Variants in SPOCK2 observed in about 807,000 individuals in gnomAD.
SPOCK2 encodes testican-2.
In SPOCK2, 39 loss-of-function variants were observed where a neutral mutation model predicts 60.1. That is an observed-to-expected ratio of 0.65 (90% CI 0.50 to 0.85). SPOCK2 has a LOEUF of 0.85. Ranked by LOEUF, SPOCK2 falls within the 40% of genes least tolerant of loss-of-function variation. The pLI is 0.00. For missense variants in SPOCK2, 523 were observed against 567.4 expected (o/e 0.92, Z 0.80); for synonymous variants, 217 against 231.5 (o/e 0.94, Z 0.57).
Position 72,074,873 on chromosome 10 carries a change from C to CGGCCCACACCT in SPOCK2, c.190-1974_190-1964dup, listed in dbSNP as rs575256237. Among the ~76,000 whole-genome samples, 749 of 152,264 alleles carry CGGCCCACACCT rather than the reference C, an allele frequency of 4.9e-3. 5 individuals carry two copies. Among genetic ancestry groups the CGGCCCACACCT allele is most frequent in the African/African-American group, 0.017 (709 of 41,522 alleles). On this transcript the variant is annotated intron_variant, in intron 1 of 10. Coordinates refer to ENST00000373109, the MANE Select transcript of SPOCK2 (RefSeq NM_001244950.2). ...TGAGCCTCTTCCTCATCCCTCTGCTCGGCCCACACCTGGCCCACACGTACC... is the reference window on the plus strand; with the variant it reads ...TGAGCCTCTTCCTCATCCCTCTGCTCGGCCCACACCTGGCCCACACCTGGCCCACACGTACC...
intron 1 of SPOCK2, among the ~76,000 whole-genome samples, chr10:72,078,384 G>A (rs577485223): frequency 1.3e-5 from 2 of 151,912 alleles, no homozygotes; most frequent in South Asian, 2.1e-4. Flanking sequence ...GATGGCGGGC[G>A]CCTGTAGTCC....
chr10:72,068,408 A>T (rs555863540), intron 5 of SPOCK2, 107 bp from the exon 6 acceptor site: 1 of 1,217,148 alleles, frequency 8.2e-7, no homozygotes, highest in African/African-American at 1.5e-5. Flanking sequence ...GCCTCCCCCC[A>T]TGGAGTGCCC....
upstream of SPOCK2, chr10:72,088,842 G>C (rs572222659): frequency 6.5e-6 from 1 of 152,738 alleles, no homozygotes; most frequent in Non-Finnish European, 1.5e-5. Context: ...ATGGGGGAGA[G>C]GGCACAAAAC....
chr10:72,086,163 A>G, intron 1 of SPOCK2: 1 of 983,490 alleles, frequency 1.0e-6, no homozygotes, highest in African/African-American at 1.7e-5. Context: ...GCCTGAGGCT[A>G]CCAAAATCAA....
rs978259946 is a variant in SPOCK2 at position 72,075,611 on chromosome 10, G to A, written c.190-2701C>T. 3.9e-5 allele frequency among the ~76,000 whole-genome samples: 6 copies of A among 152,308 alleles called. No homozygotes were observed. The South Asian group carries it at 6.2e-4, about 16-fold the overall frequency. ...AAATTTGGGGGAAAGTGGGGATGGCGTGGGAGTTCTAAGAAAGGGGCTTTC... is the reference window on the plus strand; with the variant it reads ...AAATTTGGGGGAAAGTGGGGATGGCATGGGAGTTCTAAGAAAGGGGCTTTC... On this transcript the variant is annotated intron_variant, in intron 1 of 10. Transcript: ENST00000373109.
In SPOCK2 at chr10:72,072,484, G is replaced by A. The variant is rs112679291; in HGVS notation, c.244+19C>T. ...TCACACGTGTCAGTCACCTTCCCCCGCCGGGAGAGTCATGTTACCTTCATC... is the reference window on the plus strand; with the variant it reads ...TCACACGTGTCAGTCACCTTCCCCCACCGGGAGAGTCATGTTACCTTCATC... On this transcript the variant is annotated intron_variant, in intron 3 of 10. Transcript: ENST00000373109. 2,333 of 1,613,816 alleles carry A rather than the reference G, an allele frequency of 1.4e-3. 30 individuals carry two copies. In the African/African-American group the frequency reaches 0.027, roughly 19 times the overall value.
Position 72,064,259 on chromosome 10 carries a change from C to A in SPOCK2, c.929-19G>T, listed in dbSNP as rs1254396053. 1 of 1,578,324 alleles carries A rather than the reference C, an allele frequency of 6.3e-7. No individual in the cohort carries two copies. The highest frequency in any genetic ancestry group is 8.6e-7 in the Non-Finnish European group (1 of 1,166,932). On this transcript the variant is annotated intron_variant, in intron 8 of 10. Coordinates refer to ENST00000373109, the MANE Select transcript of SPOCK2 (RefSeq NM_001244950.2). Reference sequence around the variant, plus strand: ...GGGGGCTCTGTGGGGAGAGAAGCAGCCTCTGATGGGACTGTCCCCTGGTGC... The same window carrying A: ...GGGGGCTCTGTGGGGAGAGAAGCAGACTCTGATGGGACTGTCCCCTGGTGC...
chr10:72,061,200 A>T lies in SPOCK2; in HGVS notation c.*1560T>A, dbSNP rs577339146. The stretch of plus-strand genomic sequence containing the variant: ...AAAACAGCAACAAACAAACAAAAGA[A>T]ATGCACAGGGCCTCTTCTCATCTGG... On this transcript the variant is annotated 3_prime_UTR_variant, in exon 11 of 11. Transcript: ENST00000373109. The T allele has an allele frequency of 9.2e-5, 14 of 152,518 alleles. No individual in the cohort carries two copies. The highest frequency in any genetic ancestry group is 3.4e-4 in the African/African-American group (14 of 41,562). The allele number at this position is 152,518 out of a possible 1,614,324, so 9.4% of individuals were successfully genotyped here.
At position 72,067,113 on chromosome 10, in the gene SPOCK2, G is replaced by T. The variant is rs754106946; in HGVS notation, c.717C>A (p.Asp239Glu). 1 of 1,613,414 alleles carries T rather than the reference G, an allele frequency of 6.2e-7. No homozygotes were observed. Among genetic ancestry groups the T allele is most frequent in the African/African-American group, 1.3e-5 (1 of 74,906 alleles). The change falls in exon 8 of 11, where the codon GAC (aspartate) becomes GAA (glutamate). Residue 239 changes from aspartate to glutamate, a missense_variant. By Grantham distance (45) the Asp-to-Glu change is conservative. Coordinates refer to ENST00000373109, the MANE Select transcript of SPOCK2 (RefSeq NM_001244950.2). ...CCTTGCAGCTGGCCCCCAGGCTCTT[G>T]TCCAGCCCTGGGAAAAGATCAGGTT... Reference protein sequence around the residue: ...SSVAGPASGLDKSLGASCKDS... With the variant: ...SSVAGPASGLEKSLGASCKDS...
chr10:72,073,576 C>T (rs1840677243), intron 1 of SPOCK2, among the ~76,000 whole-genome samples: 1 of 152,212 alleles, frequency 6.6e-6, no homozygotes, highest in African/African-American at 2.4e-5. Flanking sequence ...GGTCCAGCCC[C>T]CCCTTTGTGC....
chr10:72,068,612 GCCCCTGTCGCCCTT>G (rs1453542328), intron 5 of SPOCK2: 1 of 295,440 alleles, frequency 3.4e-6, no homozygotes, highest in Non-Finnish European at 5.8e-6. Flanking sequence ...CCCCTCCCCT[GCCCCTGTCGCCCTT>G]CCCCTGTGTT....
At chr10:72,064,137 G>A (rs374446874) in intron 9 of SPOCK2, 41 bp downstream of exon 9, 173 of 1,604,556 alleles carry the variant, frequency 1.1e-4, no homozygotes, top group South Asian at 1.1e-4. Context: ...CCAGGAAGCC[G>A]TCCCCACCTC....
In SPOCK2 at chr10:72,062,980, C is replaced by A. The variant is rs1406415674; in HGVS notation, c.1129+45G>T. ...CCCCCAGCATCCCACGACAAGGGCCCCCAGGCCTGGGCCCCCAGCAGGCCC... is the reference window on the plus strand; with the variant it reads ...CCCCCAGCATCCCACGACAAGGGCCACCAGGCCTGGGCCCCCAGCAGGCCC... On this transcript the variant is annotated intron_variant, in intron 10 of 10. Transcript: ENST00000373109. The surrounding 1 kb of genome is among the most constrained non-coding windows in gnomAD (Gnocchi z 4.3). The A allele has an allele frequency of 8.9e-6, 14 of 1,575,448 alleles. No individual in the cohort carries two copies. The highest frequency in any genetic ancestry group is 1.2e-5 in the Non-Finnish European group (14 of 1,162,388).
At chr10:72,069,354 C>T (rs540987417) in intron 5 of SPOCK2, 1 of 152,516 alleles carries the variant, frequency 6.6e-6, no homozygotes, top group South Asian at 2.1e-4. Context: ...AAGAAGGCCC[C>T]TCAGCCCTGG....
chr10:72,088,716 C>T (rs1271287118), upstream of SPOCK2: 1 of 174,908 alleles, frequency 5.7e-6, no homozygotes, highest in Non-Finnish European at 1.2e-5. Context: ...GGGGCCCAGC[C>T]CCGCCTGGCA....
chr10:72,063,540 G>A (rs1530800), intron 9 of SPOCK2, among the ~76,000 whole-genome samples: 48,232 of 152,148 alleles, frequency 0.32, 9,420 homozygotes, highest in Middle Eastern at 0.46. Flanking sequence ...CTGCTAGGAA[G>A]GCCCAGCCTT....
rs141057541 is a variant in SPOCK2, at chr10:72,082,292, G to A, written c.189+5848C>T. Among the ~76,000 whole-genome samples the A allele has an allele frequency of 6.6e-5, 10 of 152,346 alleles. 1 individual carries two copies. The East Asian group carries it at 1.7e-3, about 26-fold the overall frequency. On this transcript the variant is annotated intron_variant, in intron 1 of 10. Coordinates refer to ENST00000373109, the MANE Select transcript of SPOCK2 (RefSeq NM_001244950.2). ...CAGCCGGGCCAGGTCTGCACACTGA[G>A]GCTGGGCACAGTGGTATCTAAACTG...
At chr10:72,077,104 T>G (rs1217888978) in intron 1 of SPOCK2, among the ~76,000 whole-genome samples, 1 of 152,130 alleles carries the variant, frequency 6.6e-6, no homozygotes, top group Non-Finnish European at 1.5e-5. Flanking sequence ...CACCTTAGAA[T>G]CAGCCGAGGA....
At position 72,088,202 on chromosome 10, in the gene SPOCK2, G is replaced by A. The variant is rs1406268738; in HGVS notation, c.127C>T (p.Gln43Ter). Reference sequence around the variant, plus strand: ...TACTGCGAGATGGACGACAGCCATTGCTCGTCCTCCATGAAATTGCCGGGG... The same window carrying A: ...TACTGCGAGATGGACGACAGCCATTACTCGTCCTCCATGAAATTGCCGGGG... ...ETPGNFMEDE[Q>*]WLSSISQYSG... is the part of the protein sequence containing the mutation. The change falls in exon 1 of 11, where the codon CAA becomes TAA. Residue 43 changes from glutamine (Q) to a stop codon, truncating the protein, a stop_gained. Coordinates refer to ENST00000373109, the MANE Select transcript of SPOCK2 (RefSeq NM_001244950.2). LOFTEE classifies it high-confidence loss of function. The A allele has an allele frequency of 1.9e-6, 3 of 1,612,982 alleles. No individual in the cohort carries two copies. The highest frequency in any genetic ancestry group is 1.7e-6 in the Non-Finnish European group (2 of 1,179,734).
Sources: gnomAD v4.1 joint callset for allele counts (sites outside exome capture counted in the v4.1 genomes callset) on GRCh38, gnomAD v4.1.1 for gene constraint, Gnocchi (gnomAD v3.1) non-coding constraint, MANE v1.5 for transcripts, NCBI Gene and HGNC (gene_info 2026-07-23, HGNC 2026-07-21) for gene names.